The following COL23A1 variants were observed in gnomAD, a reference collection of about 807,000 sequenced individuals.
COL23A1 encodes the protein collagen type XXIII alpha 1 chain, also known as collagen alpha-1(XXIII) chain.
Under a neutral mutation model 99.3 loss-of-function variants are expected in COL23A1, and 97 were observed. The observed-to-expected ratio is 0.98, with a 90% confidence interval of 0.83 to 1.16. The LOEUF is 1.16. Ranked by LOEUF, COL23A1 falls within the 50% of genes most tolerant of loss-of-function variation. COL23A1 has a pLI of 0.00. For missense variants in COL23A1, 762 were observed against 757.4 expected (o/e 1.01, Z -0.07); for synonymous variants, 320 against 308.2 (o/e 1.04, Z -0.40).
intron 2 of COL23A1, among the ~76,000 whole-genome samples, chr5:178,372,110 A>T (rs972041481): frequency 2.0e-5 from 3 of 152,194 alleles, no homozygotes; most frequent in African/African-American, 7.2e-5. Context: ...TTTCACACAC[A>T]ACTCTGGATT....
chr5:178,548,086 C>T (rs1761808432), intron 2 of COL23A1, among the ~76,000 whole-genome samples: 1 of 129,068 alleles, frequency 7.7e-6, no homozygotes, highest in African/African-American at 3.0e-5. Context: ...CACACACACC[C>T]TATTGGTTCT....
At chr5:178,345,156 C>G (rs578255100) in intron 2 of COL23A1, 1 of 663,176 alleles carries the variant, frequency 1.5e-6, no homozygotes, top group East Asian at 4.2e-5. Context: ...GCACATTTAG[C>G]TGATGGCCTG....
chr5:178,563,323 C>T (rs1005268401), intron 1 of COL23A1, among the ~76,000 whole-genome samples: 10 of 152,130 alleles, frequency 6.6e-5, no homozygotes, highest in African/African-American at 2.4e-4. Flanking sequence ...CAAAGGCCCC[C>T]CGCAGCCTGT....
At chr5:178,285,516 AC>A (rs1276553153) in intron 5 of COL23A1, among the ~76,000 whole-genome samples, 5 of 152,226 alleles carry the variant, frequency 3.3e-5, no homozygotes, top group African/African-American at 9.6e-5. Flanking sequence ...GATTTCTGAA[AC>A]CCATCTTTTC....
intron 2 of COL23A1, among the ~76,000 whole-genome samples, chr5:178,440,327 C>G (rs1028650747): frequency 2.0e-5 from 3 of 152,284 alleles, no homozygotes; most frequent in African/African-American, 7.2e-5. Context: ...CTCATGACCC[C>G]CTCTGGAATT....
chr5:178,531,195 T>G (rs1477400718), intron 2 of COL23A1, among the ~76,000 whole-genome samples: 1 of 152,206 alleles, frequency 6.6e-6, no homozygotes, highest in Non-Finnish European at 1.5e-5. Flanking sequence ...TATGAACTTT[T>G]GGGATCATTT....
Position 178,531,789 on chromosome 5 carries a change from C to T in COL23A1, c.361+28893G>A, listed in dbSNP as rs557603027. On this transcript the variant is annotated intron_variant, in intron 2 of 28. Coordinates refer to ENST00000390654, the MANE Select transcript of COL23A1 (RefSeq NM_173465.4). ...CTGCCCTGCTAGGCTGCCCTTGCTGCGAGCGAGTGCATCCTTGCCCATCCT... is the reference window on the plus strand; with the variant it reads ...CTGCCCTGCTAGGCTGCCCTTGCTGTGAGCGAGTGCATCCTTGCCCATCCT... 4.6e-4 allele frequency among the ~76,000 whole-genome samples: 70 copies of T among 152,296 alleles called. 1 individual carries two copies. Among genetic ancestry groups the T allele is most frequent in the South Asian group, 1.7e-3 (8 of 4,822 alleles).
intron 2 of COL23A1, among the ~76,000 whole-genome samples, chr5:178,338,791 A>G (rs1760496456): frequency 6.6e-6 from 1 of 152,164 alleles, no homozygotes; most frequent in African/African-American, 2.4e-5. Flanking sequence ...ATCAGAAGAG[A>G]GGGCGACCAA....
In COL23A1 at chr5:178,242,845, A is replaced by T. The variant is rs1240024745; in HGVS notation, c.1441-451T>A. Among the ~76,000 whole-genome samples the T allele has an allele frequency of 7.9e-5, 12 of 152,296 alleles. No homozygotes were observed. The East Asian group carries it at 2.3e-3, about 29-fold the overall frequency. ...ATCTATCTGTCCGTCCACCCAACCA[A>T]GGTGGCTTAACATCCACTAGGAACC... On this transcript the variant is annotated intron_variant, in intron 25 of 28. Coordinates refer to ENST00000390654, the MANE Select transcript of COL23A1 (RefSeq NM_173465.4).
intron 2 of COL23A1, among the ~76,000 whole-genome samples, chr5:178,516,524 T>C (rs1021458179): frequency 7.2e-5 from 11 of 152,164 alleles, no homozygotes; most frequent in Non-Finnish European, 1.5e-4. Context: ...ATCCCTGACC[T>C]GTCCCCTCCC....
chr5:178,254,978 A>C lies in COL23A1; in HGVS notation c.931T>G (p.Tyr311Asp). Reference protein sequence around the residue: ...GEQGDTVVIDYDGRILDALKG... With the variant: ...GEQGDTVVIDDDGRILDALKG... ...AGGGCATCCAAGATCCTGCCATCAT[A>C]GTCGATCACCACTGTGTCTCCCTGC... The change falls in exon 16 of 29, where the codon TAT becomes GAT. Residue 311 changes from tyrosine (Y) to aspartate (D), a missense_variant. Tyr to Asp is a radical substitution (Grantham distance 160). Coordinates refer to ENST00000390654, the MANE Select transcript of COL23A1 (RefSeq NM_173465.4). 5 of 1,613,696 alleles carry C rather than the reference A, an allele frequency of 3.1e-6. No homozygotes were observed. The highest frequency in any genetic ancestry group is 3.4e-6 in the Non-Finnish European group (4 of 1,179,766).
chr5:178,447,398 T>C (rs1220044213), intron 2 of COL23A1, among the ~76,000 whole-genome samples: 1 of 152,224 alleles, frequency 6.6e-6, no homozygotes, highest in African/African-American at 2.4e-5. Context: ...TATACAGTCA[T>C]GTGCCACATA....
At chr5:178,534,774 A>G (rs1030641256) in intron 2 of COL23A1, among the ~76,000 whole-genome samples, 4 of 151,878 alleles carry the variant, frequency 2.6e-5, no homozygotes, top group African/African-American at 9.7e-5. Flanking sequence ...GCAAGACTCC[A>G]AAAAACAAAA....
intron 2 of COL23A1, among the ~76,000 whole-genome samples, chr5:178,352,508 T>C (rs1761387662): frequency 6.6e-6 from 1 of 152,230 alleles, no homozygotes; most frequent in Non-Finnish European, 1.5e-5. Flanking sequence ...CAACAGTTCA[T>C]TGTAAAGAGG....
intron 1 of COL23A1, among the ~76,000 whole-genome samples, chr5:178,579,608 C>T (rs916747466): frequency 6.6e-5 from 10 of 152,142 alleles, no homozygotes; most frequent in East Asian, 1.9e-4. Context: ...CACCCACTAC[C>T]GCGCACGGCT....
chr5:178,574,846 C>T (rs897040406), intron 1 of COL23A1, among the ~76,000 whole-genome samples: 5 of 152,184 alleles, frequency 3.3e-5, no homozygotes, highest in Non-Finnish European at 4.4e-5. Flanking sequence ...CTCTTCAAAC[C>T]AGAGTCCCTT....
chr5:178,373,852 G>A (rs961725989), intron 2 of COL23A1, among the ~76,000 whole-genome samples: 2 of 152,192 alleles, frequency 1.3e-5, no homozygotes, highest in African/African-American at 4.8e-5. Context: ...GGGTGCCGAA[G>A]TTGTCACCAG....
chr5:178,356,421 G>C (rs1198478693), intron 2 of COL23A1, among the ~76,000 whole-genome samples: 1 of 152,096 alleles, frequency 6.6e-6, no homozygotes, highest in Non-Finnish European at 1.5e-5. Flanking sequence ...GCATTCCACA[G>C]CTTGTTTAAA....
At chr5:178,261,652 G>T in intron 11 of COL23A1, 70 bp downstream of exon 11, 1 of 1,070,732 alleles carries the variant, frequency 9.3e-7, no homozygotes, top group Non-Finnish European at 1.5e-6. Context: ...GAGACAGGAA[G>T]TGGAGGTGGT....
Sources: allele counts gnomAD v4.1 joint callset (sites outside exome capture counted in the v4.1 genomes callset), GRCh38; gene constraint gnomAD v4.1.1; transcripts MANE v1.5; gene names NCBI Gene and HGNC (gene_info 2026-07-23, HGNC 2026-07-21).